Variants in GABRG1 observed in about 807,000 individuals in gnomAD.
The protein encoded by GABRG1 is gamma-aminobutyric acid receptor subunit gamma-1.
A neutral mutation model predicts 49.8 loss-of-function variants in GABRG1; 49 were observed. The ratio of observed to expected loss-of-function variants is 0.98; its 90% CI spans 0.78 to 1.25. The LOEUF is 1.25. GABRG1 is among the 50% of genes most tolerant of loss of function. The pLI is 0.00. For missense variants in GABRG1, 552 were observed against 552.3 expected (o/e 1.00, Z 0.01); for synonymous variants, 232 against 185.1 (o/e 1.25, Z -2.06).
At position 46,036,012 on chromosome 4, in the gene GABRG1, T is replaced by C. The variant is rs547776445; in HGVS notation, c.*4976A>G. The C allele has an allele frequency of 2.0e-5, 3 of 152,088 alleles. No homozygotes were observed. The highest frequency in any genetic ancestry group is 2.1e-4 in the South Asian group (1 of 4,828). 9.4% of individuals were successfully genotyped at this position (152,088 alleles called of 1,614,324 possible). On this transcript the variant is annotated 3_prime_UTR_variant, in exon 9 of 9. Coordinates refer to ENST00000295452, the MANE Select transcript of GABRG1 (RefSeq NM_173536.4). ...AAATAATTGTTATTACAGTGAAGGATTGAAAACCAAACTATTTCCATTTAG... is the reference window on the plus strand; with the variant it reads ...AAATAATTGTTATTACAGTGAAGGACTGAAAACCAAACTATTTCCATTTAG...
At chr4:46,106,283 A>G (rs556812574) in intron 1 of GABRG1, among the ~76,000 whole-genome samples, 1 of 151,540 alleles carries the variant, frequency 6.6e-6, no homozygotes, top group African/African-American at 2.4e-5. Flanking sequence ...TTCTGTCACC[A>G]AGACTGCCCC....
intron 1 of GABRG1, among the ~76,000 whole-genome samples, chr4:46,097,958 G>A (rs181953549): frequency 6.7e-4 from 101 of 151,746 alleles, no homozygotes; most frequent in African/African-American, 2.2e-3. Context: ...TTATCAATAG[G>A]TGACTCATCT....
chr4:46,062,557 T>C lies in GABRG1; in HGVS notation c.625+1884A>G, dbSNP rs180714752. On this transcript the variant is annotated intron_variant, in intron 5 of 8. Coordinates refer to ENST00000295452, the MANE Select transcript of GABRG1 (RefSeq NM_173536.4). ...CACCTGTTGTTTCCTGACTTTTTAA[T>C]GATCGCCATTTTAACTGGTGTGAGA... is the stretch of plus-strand genomic sequence containing the variant. Among the ~76,000 whole-genome samples, 1,277 of 152,318 alleles carry C rather than the reference T, an allele frequency of 8.4e-3. 5 individuals are homozygous for C. Among genetic ancestry groups the C allele is most frequent in the Middle Eastern group, 0.017 (5 of 294 alleles).
intron 1 of GABRG1, among the ~76,000 whole-genome samples, chr4:46,120,816 AT>A (rs970959795): frequency 1.3e-5 from 2 of 151,720 alleles, no homozygotes; most frequent in Non-Finnish European, 3.0e-5. Context: ...GAAAATTGTG[AT>A]TTTTTCCTGG....
At chr4:46,111,784 C>T (rs1357775031) in intron 1 of GABRG1, among the ~76,000 whole-genome samples, 3 of 151,174 alleles carry the variant, frequency 2.0e-5, no homozygotes, top group African/African-American at 4.8e-5. Context: ...AGTTGGCTAG[C>T]CATACGAAGA....
At chr4:46,084,119 T>C in intron 2 of GABRG1, 66 bp from the exon 3 acceptor site, 1 of 907,306 alleles carries the variant, frequency 1.1e-6, no homozygotes, top group Non-Finnish European at 1.7e-6. Context: ...TAAATCTTAG[T>C]TTTAAAGAAA....
chr4:46,050,103 A>G (rs779369798), intron 8 of GABRG1, among the ~76,000 whole-genome samples: 1 of 151,990 alleles, frequency 6.6e-6, no homozygotes, highest in Non-Finnish European at 1.5e-5. Flanking sequence ...TGTAGAAAGC[A>G]TTCATTTTTC....
rs147119614 is a variant in GABRG1, at chr4:46,111,204, A to G, written c.104+12606T>C. Among the ~76,000 whole-genome samples, 671 of 151,092 alleles carry G rather than the reference A, an allele frequency of 4.4e-3. 3 individuals are homozygous for G. Among genetic ancestry groups the G allele is most frequent in the Non-Finnish European group, 7.6e-3 (510 of 67,314 alleles). On this transcript the variant is annotated intron_variant, in intron 1 of 8. Coordinates refer to ENST00000295452, the MANE Select transcript of GABRG1 (RefSeq NM_173536.4). ...TCAGTAGAATTTCTATACGAAAATA[A>G]TGTTCAATCTAGGAGTCAAATCAAG...
intron 2 of GABRG1, among the ~76,000 whole-genome samples, chr4:46,093,800 A>G (rs1028425384): frequency 2.6e-5 from 4 of 152,036 alleles, no homozygotes; most frequent in Non-Finnish European, 5.9e-5. Context: ...GTGTGTACCT[A>G]AAACAGTTTC....
intron 7 of GABRG1, among the ~76,000 whole-genome samples, chr4:46,053,126 TTTAA>T (rs565720812): frequency 2.4e-4 from 36 of 152,074 alleles, no homozygotes; most frequent in Middle Eastern, 3.4e-3. Flanking sequence ...ATGTACTTAA[TTTAA>T]TTATTTGTCT....
intron 8 of GABRG1, among the ~76,000 whole-genome samples, chr4:46,047,778 T>C (rs1432081776): frequency 6.6e-6 from 1 of 152,074 alleles, no homozygotes; most frequent in Non-Finnish European, 1.5e-5. Flanking sequence ...ACAGACTCCT[T>C]GTTTAATTTT....
At chr4:46,058,730 A>G in intron 5 of GABRG1, 108 bp from the exon 6 acceptor site, 1 of 763,686 alleles carries the variant, frequency 1.3e-6, no homozygotes, top group Non-Finnish European at 2.1e-6. Context: ...TTTTTATTAC[A>G]AGATATGCCA....
intron 3 of GABRG1, among the ~76,000 whole-genome samples, chr4:46,078,725 G>A (rs1487861203): frequency 6.6e-6 from 1 of 151,930 alleles, no homozygotes; most frequent in Non-Finnish European, 1.5e-5. Flanking sequence ...TTAAAAGTCA[G>A]TTCTCACCAT....
At chr4:46,091,462 G>C (rs191934654) in intron 2 of GABRG1, among the ~76,000 whole-genome samples, 1 of 151,938 alleles carries the variant, frequency 6.6e-6, no homozygotes, top group African/African-American at 2.4e-5. Context: ...ATTTTAAAAA[G>C]TTACTCAAGT....
intron 1 of GABRG1, among the ~76,000 whole-genome samples, chr4:46,114,537 T>TAA (rs1180075810): frequency 1.3e-5 from 2 of 151,030 alleles, no homozygotes; most frequent in South Asian, 2.1e-4. Flanking sequence ...AATTTGAAGG[T>TAA]ATTTAGGTAT....
At chr4:46,108,517 TC>T (rs1720626952) in intron 1 of GABRG1, among the ~76,000 whole-genome samples, 1 of 151,116 alleles carries the variant, frequency 6.6e-6, no homozygotes, top group Admixed American at 6.6e-5. Flanking sequence ...CTCACAATGA[TC>T]TAATGACAGA....
At chr4:46,061,829 G>C (rs1250415419) in intron 5 of GABRG1, among the ~76,000 whole-genome samples, 2 of 146,054 alleles carry the variant, frequency 1.4e-5, no homozygotes, top group Admixed American at 1.4e-4. Context: ...TTTTTTTTTG[G>C]TTTTGTTTTC....
intron 1 of GABRG1, among the ~76,000 whole-genome samples, chr4:46,101,521 C>T (rs189867319): frequency 2.0e-5 from 3 of 151,744 alleles, no homozygotes; most frequent in African/African-American, 4.8e-5. Context: ...TGATCTCAAT[C>T]TCTGACCCAG....
At chr4:46,066,747 T>C (rs1034033703) in intron 3 of GABRG1, among the ~76,000 whole-genome samples, 1 of 151,980 alleles carries the variant, frequency 6.6e-6, no homozygotes, top group Non-Finnish European at 1.5e-5. Context: ...CCTGACAAAA[T>C]GTCTGCCATA....
Sources: gnomAD v4.1 joint callset for allele counts (sites outside exome capture counted in the v4.1 genomes callset) on GRCh38, gnomAD v4.1.1 for gene constraint, MANE v1.5 for transcripts, NCBI Gene and HGNC (gene_info 2026-07-23, HGNC 2026-07-21) for gene names.